The following PDE9A variants were observed in gnomAD, a reference collection of about 807,000 sequenced individuals.
PDE9A encodes the protein high affinity cGMP-specific 3',5'-cyclic phosphodiesterase 9A.
PDE9A carries 60 observed loss-of-function variants against 87.4 expected under a neutral mutation model. The observed-to-expected ratio is 0.69, with a 90% CI of 0.56 to 0.85. PDE9A has a LOEUF of 0.85. Ranked by LOEUF, PDE9A falls within the 40% of genes least tolerant of loss-of-function variation. The pLI is 0.00. For missense variants in PDE9A, 665 were observed against 779.0 expected (o/e 0.85, Z 1.74); for synonymous variants, 272 against 279.4 (o/e 0.97, Z 0.27).
At chr21:42,686,442 C>T (rs1602050718) in intron 2 of PDE9A, among the ~76,000 whole-genome samples, 180 bp downstream of exon 2, 3 of 152,286 alleles carry the variant, frequency 2.0e-5, no homozygotes, top group Admixed American at 2.0e-4. Context: ...CTCCGGGCCT[C>T]TCTGCCTCCA....
chr21:42,697,569 A>T, intron 3 of PDE9A: 1 of 909,520 alleles, frequency 1.1e-6, no homozygotes, highest in South Asian at 1.3e-5. Context: ...GAACTTAAAC[A>T]GCTAGACATT....
chr21:42,752,321 G>C (rs1188010373), intron 9 of PDE9A, among the ~76,000 whole-genome samples: 2 of 152,152 alleles, frequency 1.3e-5, no homozygotes, highest in Non-Finnish European at 2.9e-5. Flanking sequence ...ACCCAGGCTG[G>C]AGTGCAATGG....
At chr21:42,671,033 C>T (rs546238097) in intron 1 of PDE9A, among the ~76,000 whole-genome samples, 7 of 152,250 alleles carry the variant, frequency 4.6e-5, no homozygotes, top group African/African-American at 1.4e-4. Context: ...AATTTTTTCT[C>T]CATGTACTAA....
intron 1 of PDE9A, among the ~76,000 whole-genome samples, chr21:42,664,948 G>T (rs2057862800): frequency 6.6e-6 from 1 of 152,228 alleles, no homozygotes; most frequent in South Asian, 2.1e-4. Context: ...ACCTGTGAAT[G>T]TCCCGTTAGT....
intron 1 of PDE9A, among the ~76,000 whole-genome samples, chr21:42,685,727 C>A (rs985779512): frequency 2.0e-5 from 3 of 152,204 alleles, no homozygotes; most frequent in African/African-American, 7.2e-5. Flanking sequence ...CTCTGCCTCC[C>A]AAAGTGCTGG....
At chr21:42,765,340 A>G (rs1602557345) in intron 14 of PDE9A, 41 bp from the exon 15 acceptor site, 1 of 1,176,774 alleles carries the variant, frequency 8.5e-7, no homozygotes, top group Non-Finnish European at 1.3e-6. Context: ...ATAATTGTTC[A>G]GACTATACCC....
chr21:42,697,408 C>T, intron 3 of PDE9A: 2 of 1,599,830 alleles, frequency 1.3e-6, no homozygotes, highest in Admixed American at 3.3e-5. Flanking sequence ...TGTGTTTCTT[C>T]TTCCAGGAAT....
rs909620321 is a variant in PDE9A at position 42,718,795 on chromosome 21, C to T, written c.263-12975C>T. ...TGTCTGAGGGATGATTTTCTCTTGG[C>T]CATGGGTCACATTTTCCTATTTCTT... On this transcript the variant is annotated intron_variant, in intron 4 of 19. Transcript: ENST00000291539. Among the ~76,000 whole-genome samples the T allele has an allele frequency of 4.5e-4, 68 of 151,688 alleles. 5 individuals carry two copies. The highest frequency in any genetic ancestry group is 1.0e-4 in the Non-Finnish European group (7 of 67,892).
chr21:42,669,313 C>A (rs769328225), intron 1 of PDE9A, among the ~76,000 whole-genome samples: 1 of 152,078 alleles, frequency 6.6e-6, no homozygotes, highest in Non-Finnish European at 1.5e-5. Flanking sequence ...TTGGGAATTG[C>A]GGCCGCATCA....
At chr21:42,761,845 G>A (rs911781141) in intron 13 of PDE9A, among the ~76,000 whole-genome samples, 19 of 152,230 alleles carry the variant, frequency 1.2e-4, no homozygotes, top group Non-Finnish European at 2.4e-4. Context: ...GGAGCATGCC[G>A]CTTCCTCAGA....
rs373520036 is a variant in PDE9A, at chr21:42,688,035, C to T, written c.218+41C>T. The stretch of plus-strand genomic sequence containing the variant: ...CGCGCTCCTCGGGGTGTGCCTGGCA[C>T]TTCTCTCCATGACATGGGAGGCTTT... On this transcript the variant is annotated intron_variant, in intron 3 of 19. Coordinates refer to ENST00000291539, the MANE Select transcript of PDE9A (RefSeq NM_002606.3). 13 of 1,495,212 alleles carry T rather than the reference C, an allele frequency of 8.7e-6. No individual in the cohort carries two copies. The African/African-American group carries it at 1.5e-4, about 17-fold the overall frequency. The allele number at this position is 1,495,212 out of a possible 1,614,324, so 92.6% of individuals were successfully genotyped here.
At chr21:42,762,616 A>G (rs1362135502) in intron 14 of PDE9A, among the ~76,000 whole-genome samples, 1 of 152,174 alleles carries the variant, frequency 6.6e-6, no homozygotes, top group Non-Finnish European at 1.5e-5. Context: ...CATCCAACAT[A>G]GGAGAGCTGC....
intron 4 of PDE9A, among the ~76,000 whole-genome samples, chr21:42,711,123 A>G (rs149084367): frequency 0.012 from 1,755 of 152,242 alleles, 19 homozygotes; most frequent in Middle Eastern, 0.041. Flanking sequence ...ATTTTTCCCA[A>G]TTTGTGATTT....
chr21:42,716,037 A>T (rs771459146), intron 4 of PDE9A, among the ~76,000 whole-genome samples: 2 of 151,766 alleles, frequency 1.3e-5, no homozygotes, highest in Non-Finnish European at 2.9e-5. Flanking sequence ...ACTTACTAAT[A>T]TGTCTTTAAG....
At position 42,704,331 on chromosome 21, in the gene PDE9A, G is replaced by A. The variant is rs983598091; in HGVS notation, c.262+5320G>A. On this transcript the variant is annotated intron_variant, in intron 4 of 19. Transcript: ENST00000291539. The surrounding 1 kb of genome is among the most constrained non-coding windows in gnomAD (Gnocchi z 5.3). ...GGCTGGGCTAACACCACCTTTCCCC[G>A]CCTCTGGGTGCGTGGGGACCCCGCT... Among the ~76,000 whole-genome samples the A allele has an allele frequency of 1.1e-4, 16 of 151,808 alleles. No individual in the cohort carries two copies. The highest frequency in any genetic ancestry group is 7.2e-4 in the Admixed American group (11 of 15,252).
chr21:42,737,660 G>C (rs2052605663), intron 7 of PDE9A, among the ~76,000 whole-genome samples: 1 of 152,200 alleles, frequency 6.6e-6, no homozygotes, highest in African/African-American at 2.4e-5. Flanking sequence ...GTTCCGCCAT[G>C]TTGGCCAGGC....
At chr21:42,680,112 GC>G (rs924327555) in intron 1 of PDE9A, among the ~76,000 whole-genome samples, 2 of 152,194 alleles carry the variant, frequency 1.3e-5, no homozygotes, top group Admixed American at 1.3e-4. Context: ...AGCCTCCGCT[GC>G]CCCCGGGCTC....
intron 4 of PDE9A, chr21:42,724,666 A>C (rs998789949): frequency 5.7e-6 from 5 of 874,000 alleles, no homozygotes; most frequent in African/African-American, 3.6e-5. Context: ...GTGCCCCTGG[A>C]GTGTTCTCAC....
intron 1 of PDE9A, among the ~76,000 whole-genome samples, chr21:42,657,961 G>A (rs185427709): frequency 6.6e-4 from 101 of 152,366 alleles, no homozygotes; most frequent in Admixed American, 9.8e-4. Context: ...CAGTGAATGC[G>A]CACAGCCCAA....
Sources: allele counts gnomAD v4.1 joint callset (sites outside exome capture counted in the v4.1 genomes callset), GRCh38; gene constraint gnomAD v4.1.1; non-coding constraint Gnocchi (gnomAD v3.1); transcripts MANE v1.5; gene names NCBI Gene and HGNC (gene_info 2026-07-23, HGNC 2026-07-21).